CELF4: variants seen among roughly 807,000 people sequenced by gnomAD.
CELF4 encodes CUG-BP- and ETR-3-like factor 4.
In CELF4, 18 loss-of-function variants were observed where a neutral mutation model predicts 59.9. That is an observed-to-expected ratio of 0.30 (90% CI 0.21 to 0.45). CELF4 has a LOEUF of 0.45. Ranked by LOEUF, CELF4 falls within the 20% of genes least tolerant of loss-of-function variation. The pLI is 1.00. For synonymous variants in CELF4, 261 were observed against 267.1 expected (o/e 0.98, Z 0.22); for missense variants, 456 against 689.0 (o/e 0.66, Z 3.79).
At chr18:37,541,035 T>C (rs1031990199) in intron 1 of CELF4, among the ~76,000 whole-genome samples, 6 of 152,146 alleles carry the variant, frequency 3.9e-5, no homozygotes, top group African/African-American at 7.2e-5. Context: ...TGTGACCTAA[T>C]TGATGCTCAG....
At chr18:37,393,716 CA>C (rs1290834368) in intron 2 of CELF4, among the ~76,000 whole-genome samples, 1 of 152,060 alleles carries the variant, frequency 6.6e-6, no homozygotes, top group African/African-American at 2.4e-5. Flanking sequence ...CTCTTGGTGA[CA>C]GGTGCCCATC....
intron 11 of CELF4, among the ~76,000 whole-genome samples, chr18:37,258,172 G>C (rs1202703462): frequency 6.6e-6 from 1 of 152,014 alleles, no homozygotes; most frequent in African/African-American, 2.4e-5. Context: ...CTAACACCAT[G>C]CCCTGAGCAC....
At chr18:37,291,173 T>G (rs1454529552) in intron 3 of CELF4, among the ~76,000 whole-genome samples, 1 of 152,076 alleles carries the variant, frequency 6.6e-6, no homozygotes, top group Non-Finnish European at 1.5e-5. Context: ...CCTCCCAAAG[T>G]GCTGGGATTA....
intron 3 of CELF4, among the ~76,000 whole-genome samples, chr18:37,303,883 C>T (rs1010326403): frequency 2.6e-5 from 4 of 152,220 alleles, no homozygotes; most frequent in Admixed American, 6.5e-5. Context: ...GCCCTCCTGG[C>T]CGTAGGCATC....
intron 1 of CELF4, among the ~76,000 whole-genome samples, chr18:37,533,151 G>A (rs569845864): frequency 8.5e-5 from 13 of 152,244 alleles, no homozygotes; most frequent in South Asian, 4.1e-4. Context: ...ACGTGGCTGC[G>A]GGTACACGGC....
intron 2 of CELF4, among the ~76,000 whole-genome samples, chr18:37,444,617 T>TACAC (rs61248144): frequency 0.051 from 6,871 of 134,184 alleles, 375 homozygotes; most frequent in African/African-American, 0.13. Flanking sequence ...CTAGCATGCA[T>TACAC]ACACACACAC....
intron 1 of CELF4, among the ~76,000 whole-genome samples, chr18:37,490,576 C>T (rs2099898941): frequency 1.3e-5 from 2 of 151,840 alleles, no homozygotes; most frequent in Admixed American, 1.3e-4. Flanking sequence ...TCAAAGCTTC[C>T]TCTGAGCCGG....
chr18:37,297,544 T>C (rs923067121), intron 3 of CELF4, among the ~76,000 whole-genome samples: 1 of 152,180 alleles, frequency 6.6e-6, no homozygotes, highest in African/African-American at 2.4e-5. Context: ...TCTAGGTCTA[T>C]TTTTTGTTTA....
chr18:37,533,142 C>G (rs955516181), intron 1 of CELF4, among the ~76,000 whole-genome samples: 23 of 152,246 alleles, frequency 1.5e-4, no homozygotes, highest in African/African-American at 5.1e-4. Flanking sequence ...CAGCCAGGCA[C>G]GTGGCTGCGG....
intron 2 of CELF4, among the ~76,000 whole-genome samples, chr18:37,407,998 G>T (rs867059808): frequency 6.6e-6 from 1 of 152,160 alleles, no homozygotes; most frequent in Non-Finnish European, 1.5e-5. Flanking sequence ...TGGTTAAACC[G>T]CAACACTGTG....
intron 2 of CELF4, among the ~76,000 whole-genome samples, chr18:37,342,810 A>T (rs1169502404): frequency 6.6e-6 from 1 of 152,244 alleles, no homozygotes; most frequent in East Asian, 1.9e-4. Context: ...AATGCAAAAA[A>T]AGTTGAATCT....
rs7505800 is a variant in CELF4, at chr18:37,522,798, A to C, written c.287-37191T>G. Among the ~76,000 whole-genome samples the C allele has an allele frequency of 7.9e-5, 12 of 152,022 alleles. No individual in the cohort carries two copies. The South Asian group carries it at 2.5e-3, about 32-fold the overall frequency. On this transcript the variant is annotated intron_variant, in intron 1 of 12. Coordinates refer to ENST00000420428, the MANE Select transcript of CELF4 (RefSeq NM_020180.4). ...CTTCTCTGAGCCCACCCTGTGGGGC[A>C]GCACCAAATCTCCCAGGCTTCCGCA...
intron 2 of CELF4, among the ~76,000 whole-genome samples, chr18:37,364,430 G>A (rs1262775140): frequency 6.6e-6 from 1 of 152,226 alleles, no homozygotes; most frequent in African/African-American, 2.4e-5. Context: ...CAGGCACTCA[G>A]GCCAGGGCTG....
intron 2 of CELF4, among the ~76,000 whole-genome samples, chr18:37,360,610 T>C (rs2098687996): frequency 6.6e-6 from 1 of 152,216 alleles, no homozygotes; most frequent in Admixed American, 6.5e-5. Flanking sequence ...AGCTATGCAC[T>C]GGTCTGCTCA....
chr18:37,250,111 G>A (rs1210017812), intron 12 of CELF4, among the ~76,000 whole-genome samples: 2 of 152,156 alleles, frequency 1.3e-5, no homozygotes, highest in African/African-American at 4.8e-5. Context: ...TCTCTGAGCT[G>A]GGCGGGGCCA....
At chr18:37,248,273 C>T (rs570249819) in intron 12 of CELF4, among the ~76,000 whole-genome samples, 2 of 152,336 alleles carry the variant, frequency 1.3e-5, no homozygotes, top group Admixed American at 1.3e-4. Flanking sequence ...TGCCTTGGCA[C>T]TACTGAGTTC....
In CELF4 at chr18:37,459,790, T is replaced by C. The variant is rs77424930; in HGVS notation, c.369+25735A>G. Among the ~76,000 whole-genome samples the C allele has an allele frequency of 1.8e-4, 28 of 152,268 alleles. No homozygotes were observed. In the East Asian group the frequency reaches 5.0e-3, roughly 27 times the overall value. ...GGCATTTGTTGTGCAAGGTTGTCGT[T>C]GGCCATTACTGGAACACCCCAATCT... On this transcript the variant is annotated intron_variant, in intron 2 of 12. Transcript: ENST00000420428.
chr18:37,552,420 G>A (rs1049178161), intron 1 of CELF4, among the ~76,000 whole-genome samples: 8 of 152,200 alleles, frequency 5.3e-5, no homozygotes, highest in African/African-American at 9.6e-5. Context: ...CTGCCTCTGC[G>A]TGATGAGGGT....
chr18:37,550,097 C>G (rs2099982708), intron 1 of CELF4, among the ~76,000 whole-genome samples: 1 of 131,798 alleles, frequency 7.6e-6, no homozygotes, highest in Non-Finnish European at 1.6e-5. Flanking sequence ...GGGGGGGGAT[C>G]CGTGGGAAGA....
Sources: gnomAD v4.1 joint callset for allele counts (sites outside exome capture counted in the v4.1 genomes callset) on GRCh38, gnomAD v4.1.1 for gene constraint, MANE v1.5 for transcripts, NCBI Gene and HGNC (gene_info 2026-07-23, HGNC 2026-07-21) for gene names.